The following RIMBP2 variants were observed in gnomAD, a reference collection of about 807,000 sequenced individuals.
RIMBP2 encodes the protein RIMS-binding protein 2.
In RIMBP2, 48 loss-of-function variants were observed where a neutral mutation model predicts 118.6. That is an observed-to-expected ratio of 0.40 (90% CI 0.32 to 0.51). The LOEUF (loss-of-function observed/expected upper bound fraction) is 0.51. RIMBP2 is among the 20% of genes least tolerant of loss of function. The pLI is 0.41. For missense variants in RIMBP2, 1,551 were observed against 1,768.3 expected, an observed-to-expected ratio of 0.88 and a Z score of 2.20; for synonymous variants, 762 against 742.9, an observed-to-expected ratio of 1.03 and a Z score of -0.42.
intron 7 of RIMBP2, among the ~76,000 whole-genome samples, chr12:130,454,221 T>C (rs550655855): frequency 1.1e-4 from 17 of 152,354 alleles, no homozygotes; most frequent in African/African-American, 3.6e-4. Flanking sequence ...ACAATTGATT[T>C]ATGTTACATC....
At chr12:130,458,606 C>T (rs901579591) in intron 6 of RIMBP2, among the ~76,000 whole-genome samples, 1 of 152,220 alleles carries the variant, frequency 6.6e-6, no homozygotes, top group East Asian at 1.9e-4. Flanking sequence ...CCAACGAACC[C>T]CCAGGCACCC....
chr12:130,403,611 C>T (rs1278973653), intron 21 of RIMBP2, among the ~76,000 whole-genome samples: 1 of 152,206 alleles, frequency 6.6e-6, no homozygotes, highest in Non-Finnish European at 1.5e-5. Context: ...TAAAGGATCT[C>T]TCTCTGGGCA....
chr12:130,539,606 C>T (rs2054392053), intron 2 of RIMBP2, among the ~76,000 whole-genome samples: 1 of 149,990 alleles, frequency 6.7e-6, no homozygotes, highest in Non-Finnish European at 1.5e-5. Context: ...ATGGCAAATG[C>T]AGTCGATGAG....
At chr12:130,656,597 C>A (rs1422994816) in intron 1 of RIMBP2, among the ~76,000 whole-genome samples, 1 of 152,154 alleles carries the variant, frequency 6.6e-6, no homozygotes, top group African/African-American at 2.4e-5. Flanking sequence ...CCCCTGACTC[C>A]TGGCAGCCTC....
intron 10 of RIMBP2, 137 bp downstream of exon 10, chr12:130,445,023 G>T (rs758005304): frequency 2.1e-4 from 121 of 572,198 alleles, no homozygotes; most frequent in Non-Finnish European, 3.5e-4. Flanking sequence ...CTACGGAGTG[G>T]GGAAGGGTCA....
At chr12:130,648,302 T>C (rs2136247852) in intron 1 of RIMBP2, among the ~76,000 whole-genome samples, 1 of 146,016 alleles carries the variant, frequency 6.8e-6, no homozygotes, top group South Asian at 2.1e-4. Flanking sequence ...ACATGGTTTT[T>C]TGACCCAGAA....
At chr12:130,438,335 A>ACCCGC in intron 12 of RIMBP2, 30 bp downstream of exon 12, 1 of 865,014 alleles carries the variant, frequency 1.2e-6, no homozygotes, top group Non-Finnish European at 1.9e-6. Flanking sequence ...GGCCTAACAA[A>ACCCGC]CCCTCCCCAC....
At chr12:130,649,428 C>T (rs950823007) in intron 1 of RIMBP2, among the ~76,000 whole-genome samples, 6 of 152,206 alleles carry the variant, frequency 3.9e-5, no homozygotes, top group Non-Finnish European at 7.3e-5. Flanking sequence ...GGAAGGGCGG[C>T]GCCTTCCCCC....
chr12:130,420,608 T>G lies in RIMBP2; in HGVS notation c.3238+1845A>C, dbSNP rs2136655367. The stretch of plus-strand genomic sequence containing the variant: ...GATGAATGCAGTTTTAAAAAAAAAG[T>G]CTCAACAATATACAGCCATTTGAAA... On this transcript the variant is annotated intron_variant, in intron 17 of 22. Coordinates refer to ENST00000690449, the MANE Select transcript of RIMBP2 (RefSeq NM_001393629.1). The surrounding 1 kb of genome is among the most constrained non-coding windows in gnomAD (Gnocchi z 4.3). Among the ~76,000 whole-genome samples the G allele has an allele frequency of 6.6e-6, 1 of 152,012 alleles. No homozygotes were observed. Among genetic ancestry groups the G allele is most frequent in the South Asian group, 2.1e-4 (1 of 4,798 alleles).
chr12:130,564,457 A>C (rs2057066720), intron 2 of RIMBP2, among the ~76,000 whole-genome samples: 1 of 152,252 alleles, frequency 6.6e-6, no homozygotes, highest in South Asian at 2.1e-4. Context: ...TTTCGCCAGC[A>C]ACAATGGTAT....
At chr12:130,592,329 A>G (rs1164388598) in intron 2 of RIMBP2, among the ~76,000 whole-genome samples, 1 of 152,154 alleles carries the variant, frequency 6.6e-6, no homozygotes, top group Non-Finnish European at 1.5e-5. Context: ...AAGGGGAACG[A>G]AATAGTGGTC....
chr12:130,522,912 G>A (rs2052311717), intron 2 of RIMBP2, among the ~76,000 whole-genome samples: 1 of 152,108 alleles, frequency 6.6e-6, no homozygotes, highest in Non-Finnish European at 1.5e-5. Context: ...CAGGGACCGG[G>A]GCTTTCTAAG....
chr12:130,559,093 T>C (rs2056608264), intron 2 of RIMBP2, among the ~76,000 whole-genome samples: 1 of 152,204 alleles, frequency 6.6e-6, no homozygotes, highest in Admixed American at 6.5e-5. Flanking sequence ...TGTGATGTTC[T>C]GATATATGTT....
intron 2 of RIMBP2, among the ~76,000 whole-genome samples, chr12:130,591,332 C>G (rs529877350): frequency 6.6e-6 from 1 of 152,116 alleles, no homozygotes; most frequent in Non-Finnish European, 1.5e-5. Context: ...ACTTTGCCAT[C>G]GAGAGCAAAC....
chr12:130,650,699 C>G (rs375431259), intron 1 of RIMBP2, among the ~76,000 whole-genome samples: 298 of 152,328 alleles, frequency 2.0e-3, no homozygotes, highest in African/African-American at 7.0e-3. Context: ...CTGAAGACCC[C>G]TTTCCACCAA....
chr12:130,639,032 G>C (rs2062480512), intron 1 of RIMBP2, among the ~76,000 whole-genome samples: 2 of 152,282 alleles, frequency 1.3e-5, no homozygotes, highest in Admixed American at 6.5e-5. Context: ...CAGGAAGAGG[G>C]GGTGCTTGGG....
intron 1 of RIMBP2, among the ~76,000 whole-genome samples, chr12:130,698,868 T>A (rs112108256): frequency 6.6e-6 from 1 of 151,836 alleles, no homozygotes. Context: ...TACAAAGAAC[T>A]CAAACAAATT....
chr12:130,419,178 T>G lies in RIMBP2; in HGVS notation c.3238+3275A>C. ...CTTCACTGCAGACTGGACTGGGCAG[T>G]TGGGGGTCCCTTGTCCTTGGTGATG... On this transcript the variant is annotated intron_variant, in intron 17 of 22. Transcript: ENST00000690449. This position sits in a 1 kb window ranked among gnomAD's most constrained non-coding sequence, Gnocchi z 4.3. Among the ~76,000 whole-genome samples the G allele has an allele frequency of 6.6e-6, 1 of 152,142 alleles. No individual in the cohort carries two copies. The highest frequency in any genetic ancestry group is 1.9e-4 in the East Asian group (1 of 5,184).
chr12:130,533,420 G>A (rs2053685443), intron 2 of RIMBP2, among the ~76,000 whole-genome samples: 1 of 152,152 alleles, frequency 6.6e-6, no homozygotes, highest in African/African-American at 2.4e-5. Context: ...TACTGGCAAG[G>A]ATATGGACAA....
Sources: gnomAD v4.1 joint callset for allele counts (sites outside exome capture counted in the v4.1 genomes callset) on GRCh38, gnomAD v4.1.1 for gene constraint, Gnocchi (gnomAD v3.1) non-coding constraint, MANE v1.5 for transcripts, NCBI Gene and HGNC (gene_info 2026-07-23, HGNC 2026-07-21) for gene names.